DNAJC3: variants seen among roughly 807,000 people sequenced by gnomAD.
DNAJC3 encodes dnaJ homolog subfamily C member 3.
A neutral mutation model predicts 68.6 loss-of-function variants in DNAJC3; 38 were observed. That is an observed-to-expected ratio of 0.55 (90% CI 0.43 to 0.73). DNAJC3 has a LOEUF of 0.73. Ranked by LOEUF, DNAJC3 falls within the 30% of genes least tolerant of loss-of-function variation. The pLI is 0.00. For missense variants in DNAJC3, 526 were observed against 591.9 expected (o/e 0.89, Z 1.16); for synonymous variants, 203 against 204.0 (o/e 1.00, Z 0.04).
intron 9 of DNAJC3, among the ~76,000 whole-genome samples, chr13:95,777,993 A>C (rs1883334979): frequency 6.6e-6 from 1 of 152,242 alleles, no homozygotes; most frequent in Admixed American, 6.5e-5. Context: ...AGTCAGTAAC[A>C]GAAGGAAAAT....
chr13:95,791,008 G>A lies in DNAJC3; in HGVS notation c.1493G>A (p.Arg498Lys). Residue 498 changes from arginine to lysine, a missense_variant, in exon 12 of 12, where the codon AGA becomes AAA. Coordinates refer to ENST00000602402, the MANE Select transcript of DNAJC3 (RefSeq NM_006260.5). ...FNPFSSGGPF[R>K]FKFHFN is the part of the protein sequence containing the mutation. ...CCCTTCAGCTCAGGCGGACCATTTA[G>A]ATTTAAATTCCACTTCAATTAAACC... is the stretch of plus-strand genomic sequence containing the variant. 1 of 1,613,574 alleles carries A rather than the reference G, an allele frequency of 6.2e-7. No homozygotes were observed. Among genetic ancestry groups the A allele is most frequent in the Non-Finnish European group, 8.5e-7 (1 of 1,179,858 alleles).
intron 1 of DNAJC3, among the ~76,000 whole-genome samples, chr13:95,691,324 C>T (rs1337230578): frequency 6.6e-6 from 1 of 151,466 alleles, no homozygotes; most frequent in Non-Finnish European, 1.5e-5. Flanking sequence ...CGGAGGGACT[C>T]CTCACTTCTC....
intron 9 of DNAJC3, among the ~76,000 whole-genome samples, chr13:95,772,440 G>A (rs1282821998): frequency 6.6e-6 from 1 of 152,166 alleles, no homozygotes. Context: ...AGTTTTAAAA[G>A]AAACTGCCAG....
At chr13:95,711,569 GA>G (rs948375926) in intron 2 of DNAJC3, among the ~76,000 whole-genome samples, 2 of 151,892 alleles carry the variant, frequency 1.3e-5, no homozygotes, top group Non-Finnish European at 2.9e-5. Flanking sequence ...TACAAAAGTT[GA>G]AAAATGAGGG....
intron 5 of DNAJC3, among the ~76,000 whole-genome samples, chr13:95,759,383 C>T (rs771617663): frequency 6.6e-6 from 1 of 152,168 alleles, no homozygotes; most frequent in Non-Finnish European, 1.5e-5. Flanking sequence ...GCGATTGTAG[C>T]TCACTGTAAC....
At chr13:95,690,412 G>A (rs1436199630) in intron 1 of DNAJC3, among the ~76,000 whole-genome samples, 3 of 151,488 alleles carry the variant, frequency 2.0e-5, no homozygotes, top group African/African-American at 4.9e-5. Flanking sequence ...GCAACCATCC[G>A]ATTTCTCAAT....
In DNAJC3 at chr13:95,757,641, T is replaced by C. The variant is rs750107720; in HGVS notation, c.394-3T>C. The C allele has an allele frequency of 1.9e-6, 3 of 1,546,972 alleles. No individual in the cohort carries two copies. Among genetic ancestry groups the C allele is most frequent in the Non-Finnish European group, 2.6e-6 (3 of 1,133,056 alleles). ...TCTGCTTAGTTTTTTATTTTCCTTATAGCTCAAATCTAATCCAAGTGAAAA... is the reference window on the plus strand; with the variant it reads ...TCTGCTTAGTTTTTTATTTTCCTTACAGCTCAAATCTAATCCAAGTGAAAA... On this transcript the variant is annotated splice_polypyrimidine_tract_variant and splice_region_variant and intron_variant, in intron 4 of 11. Transcript: ENST00000602402.
chr13:95,684,635 C>A (rs1207649254), intron 1 of DNAJC3, among the ~76,000 whole-genome samples: 1 of 152,160 alleles, frequency 6.6e-6, no homozygotes, highest in East Asian at 1.9e-4. Context: ...GGAAAAAGGG[C>A]TCCAAGGCAT....
At chr13:95,679,037 C>T (rs866426636) in intron 1 of DNAJC3, among the ~76,000 whole-genome samples, 1 of 152,030 alleles carries the variant, frequency 6.6e-6, no homozygotes, top group African/African-American at 2.4e-5. Flanking sequence ...TTCACGAAAG[C>T]GTGTGGTATT....
At chr13:95,677,421 C>T (rs911092267) in intron 1 of DNAJC3, 84 bp downstream of exon 1, 52 of 1,409,970 alleles carry the variant, frequency 3.7e-5, no homozygotes, top group Non-Finnish European at 4.5e-5. Flanking sequence ...GGCGCCTGTC[C>T]CGGAGCGGCT....
chr13:95,679,423 G>A (rs1391512936), intron 1 of DNAJC3, among the ~76,000 whole-genome samples: 2 of 152,094 alleles, frequency 1.3e-5, no homozygotes, highest in Non-Finnish European at 2.9e-5. Flanking sequence ...AACCACTGGT[G>A]TAATAAATTA....
chr13:95,726,741 G>T (rs1316886833), intron 4 of DNAJC3, among the ~76,000 whole-genome samples: 1 of 152,078 alleles, frequency 6.6e-6, no homozygotes, highest in African/African-American at 2.4e-5. Flanking sequence ...ACATGGGTTT[G>T]CTTCTGGAAT....
At chr13:95,789,684 C>CTGAG (rs1883706795) in intron 11 of DNAJC3, among the ~76,000 whole-genome samples, 1 of 152,130 alleles carries the variant, frequency 6.6e-6, no homozygotes, top group African/African-American at 2.4e-5. Flanking sequence ...AATGAGATTG[C>CTGAG]TGAGTTGAAT....
intron 1 of DNAJC3, among the ~76,000 whole-genome samples, chr13:95,686,806 T>C (rs1290185870): frequency 6.6e-6 from 1 of 152,246 alleles, no homozygotes; most frequent in Non-Finnish European, 1.5e-5. Context: ...TGAAGTCAAG[T>C]AATGTGATGC....
rs1310251635 is a variant in DNAJC3 at position 95,677,264 on chromosome 13, C to A, written c.9C>A (p.Ala3=). The A allele has an allele frequency of 6.2e-7, 1 of 1,603,564 alleles. No homozygotes were observed. Among genetic ancestry groups the A allele is most frequent in the Middle Eastern group, 1.7e-4 (1 of 6,032 alleles). Residue 3 remains alanine (A), a synonymous_variant, in exon 1 of 12, where the codon GCC becomes GCA. Transcript: ENST00000602402. The part of the protein sequence containing the change: MV[A]PGSVTSRLGS... Reference sequence around the variant, plus strand: ...CTCGCGAGCCCTCGGACATGGTGGCCCCCGGCTCCGTGACCAGCCGGCTGG... The same window carrying A: ...CTCGCGAGCCCTCGGACATGGTGGCACCCGGCTCCGTGACCAGCCGGCTGG...
intron 4 of DNAJC3, among the ~76,000 whole-genome samples, chr13:95,739,405 AT>A (rs1334714101): frequency 4.0e-5 from 6 of 151,370 alleles, no homozygotes; most frequent in African/African-American, 1.2e-4. Context: ...CCTGGATAAT[AT>A]CCTGCAGAGT....
chr13:95,688,930 GTGTGT>G (rs1566466641), intron 1 of DNAJC3, among the ~76,000 whole-genome samples: 3,718 of 51,294 alleles, frequency 0.072, 60 homozygotes, highest in Non-Finnish European at 0.12. Flanking sequence ...TTGTGTGGGT[GTGTGT>G]GTGTGTGTGT....
chr13:95,751,637 A>G (rs753502109), intron 4 of DNAJC3, among the ~76,000 whole-genome samples: 1 of 152,236 alleles, frequency 6.6e-6, no homozygotes, highest in South Asian at 2.1e-4. Flanking sequence ...ATTAAAAACT[A>G]CAAGATGGCA....
At chr13:95,687,242 C>T (rs535134118) in intron 1 of DNAJC3, among the ~76,000 whole-genome samples, 1 of 152,234 alleles carries the variant, frequency 6.6e-6, no homozygotes, top group East Asian at 1.9e-4. Context: ...AGACTTTACT[C>T]AAGTTGTTTA....
Sources: allele counts gnomAD v4.1 joint callset (sites outside exome capture counted in the v4.1 genomes callset), GRCh38; gene constraint gnomAD v4.1.1; transcripts MANE v1.5; gene names NCBI Gene and HGNC (gene_info 2026-07-23, HGNC 2026-07-21).